RASGEF1A: variants seen among roughly 807,000 people sequenced by gnomAD.
The protein encoded by RASGEF1A is RasGEF domain family member 1A.
Under a neutral mutation model 56.4 loss-of-function variants are expected in RASGEF1A, and 18 were observed. The observed-to-expected ratio is 0.32, with a 90% CI of 0.22 to 0.47. RASGEF1A has a LOEUF of 0.47. Among genes scored for constraint, RASGEF1A ranks in the 20% least tolerant of loss-of-function variants. The pLI, the probability that RASGEF1A is intolerant of heterozygous loss-of-function variation, is 1.00. For synonymous variants in RASGEF1A, 245 were observed against 242.6 expected, an observed-to-expected ratio of 1.01 and a Z score of -0.09; for missense variants, 422 against 627.1, an observed-to-expected ratio of 0.67 and a Z score of 3.49.
intron 1 of RASGEF1A, 109 bp from the exon 2 acceptor site, chr10:43,206,231 CA>C (rs1839994245): frequency 1.1e-6 from 1 of 941,148 alleles, no homozygotes; most frequent in East Asian, 2.7e-5. Flanking sequence ...GGGTGCGTGG[CA>C]GGGGCGCAGC....
chr10:43,219,310 T>C (rs1159453226), intron 1 of RASGEF1A, among the ~76,000 whole-genome samples: 2 of 152,212 alleles, frequency 1.3e-5, no homozygotes, highest in East Asian at 1.9e-4. Flanking sequence ...GATGGGGTCA[T>C]GTGCAAACTC....
At chr10:43,240,973 T>C (rs1840491561) in intron 1 of RASGEF1A, among the ~76,000 whole-genome samples, 1 of 152,212 alleles carries the variant, frequency 6.6e-6, no homozygotes, top group Non-Finnish European at 1.5e-5. Context: ...ATGAATTCTT[T>C]ATGCAGCAAA....
At chr10:43,206,250 G>A in intron 1 of RASGEF1A, 128 bp from the exon 2 acceptor site, 1 of 774,366 alleles carries the variant, frequency 1.3e-6, no homozygotes, top group Non-Finnish European at 2.0e-6. Context: ...AGCGGCACTG[G>A]CAGAGGGCAC....
chr10:43,240,053 A>C (rs897664546), intron 1 of RASGEF1A, among the ~76,000 whole-genome samples: 3 of 152,238 alleles, frequency 2.0e-5, no homozygotes, highest in African/African-American at 7.2e-5. Flanking sequence ...GGAAACCCTA[A>C]GCACTCACTT....
chr10:43,262,394 C>T (rs1836545370), intron 1 of RASGEF1A, among the ~76,000 whole-genome samples: 1 of 152,152 alleles, frequency 6.6e-6, no homozygotes, highest in African/African-American at 2.4e-5. Context: ...GCCCCACCCC[C>T]CAGGATTCCT....
At chr10:43,208,045 G>T (rs753984146) in intron 1 of RASGEF1A, 1 of 985,308 alleles carries the variant, frequency 1.0e-6, no homozygotes, top group South Asian at 4.7e-5. Flanking sequence ...GACCATTTGT[G>T]CAATGAAGTC....
intron 1 of RASGEF1A, among the ~76,000 whole-genome samples, chr10:43,241,746 A>G: frequency 6.6e-6 from 1 of 152,226 alleles, no homozygotes; most frequent in Non-Finnish European, 1.5e-5. Flanking sequence ...ACTCCAGTTA[A>G]GAGTCAGAGA....
At chr10:43,218,490 C>A (rs1297115828) in intron 1 of RASGEF1A, among the ~76,000 whole-genome samples, 3 of 152,242 alleles carry the variant, frequency 2.0e-5, no homozygotes, top group African/African-American at 4.8e-5. Flanking sequence ...TCTCTCTCAA[C>A]CCTTGTTCCC....
At chr10:43,202,926 T>C (rs1453288364) in intron 3 of RASGEF1A, among the ~76,000 whole-genome samples, 3 of 72,798 alleles carry the variant, frequency 4.1e-5, no homozygotes, top group African/African-American at 5.5e-5. Context: ...AGCCAGGCCA[T>C]GCCTAACCCT....
At chr10:43,215,511 G>A (rs1024612541) in intron 1 of RASGEF1A, among the ~76,000 whole-genome samples, 2 of 152,188 alleles carry the variant, frequency 1.3e-5, no homozygotes, top group Admixed American at 1.3e-4. Flanking sequence ...AGAGACCTGC[G>A]CACCTACCTG....
chr10:43,235,038 G>A (rs1840413446), intron 1 of RASGEF1A, among the ~76,000 whole-genome samples: 1 of 152,246 alleles, frequency 6.6e-6, no homozygotes, highest in African/African-American at 2.4e-5. Flanking sequence ...TTGTCTGGCA[G>A]CCAACCCTGT....
chr10:43,233,898 G>A (rs1564538607), intron 1 of RASGEF1A, among the ~76,000 whole-genome samples: 1 of 152,188 alleles, frequency 6.6e-6, no homozygotes. Flanking sequence ...ACCGAGCTGT[G>A]GCATGTGTCA....
intron 1 of RASGEF1A, among the ~76,000 whole-genome samples, chr10:43,253,955 C>A (rs946035301): frequency 6.6e-5 from 10 of 152,236 alleles, no homozygotes; most frequent in African/African-American, 2.4e-4. Context: ...GGGGCAGGAC[C>A]CCTCTAGGGC....
chr10:43,217,680 T>C (rs954447886), intron 1 of RASGEF1A, among the ~76,000 whole-genome samples: 15 of 152,214 alleles, frequency 9.9e-5, no homozygotes, highest in Non-Finnish European at 2.1e-4. Flanking sequence ...CTAGAGGGAC[T>C]AGAGCCAGGA....
At chr10:43,201,370 G>A (rs1187983360) in intron 4 of RASGEF1A, among the ~76,000 whole-genome samples, 1 of 152,214 alleles carries the variant, frequency 6.6e-6, no homozygotes, top group East Asian at 1.9e-4. Flanking sequence ...TGGAGGCCCA[G>A]TTGGCCCAGG....
At chr10:43,214,547 C>T (rs1461722252) in intron 1 of RASGEF1A, among the ~76,000 whole-genome samples, 1 of 152,182 alleles carries the variant, frequency 6.6e-6, no homozygotes, top group Non-Finnish European at 1.5e-5. Context: ...AACTGGCCAT[C>T]CTCCAACACC....
intron 1 of RASGEF1A, among the ~76,000 whole-genome samples, chr10:43,206,505 A>G (rs1416866355): frequency 6.6e-6 from 1 of 152,224 alleles, no homozygotes; most frequent in Non-Finnish European, 1.5e-5. Context: ...CGCAGCTCCC[A>G]GGATAAGAAA....
At chr10:43,256,315 G>A (rs554790925) in intron 1 of RASGEF1A, among the ~76,000 whole-genome samples, 22 of 152,176 alleles carry the variant, frequency 1.4e-4, no homozygotes, top group Non-Finnish European at 2.6e-4. Context: ...CAGCCAGTGC[G>A]GAGCTTGGTT....
intron 1 of RASGEF1A, among the ~76,000 whole-genome samples, chr10:43,211,938 C>T (rs1344259687): frequency 1.3e-5 from 2 of 152,194 alleles, no homozygotes; most frequent in African/African-American, 4.8e-5. Context: ...GAAGCTAGTG[C>T]GGTTGTGTGC....
Sources: allele counts gnomAD v4.1 joint callset (sites outside exome capture counted in the v4.1 genomes callset), GRCh38; gene constraint gnomAD v4.1.1; transcripts MANE v1.5; gene names NCBI Gene and HGNC (gene_info 2026-07-23, HGNC 2026-07-21).